Variants in RTKN2 observed in about 807,000 individuals in gnomAD.
RTKN2 encodes rhotekin 2.
RTKN2 carries 69 observed loss-of-function variants against 71.5 expected under a neutral mutation model. The observed-to-expected ratio is 0.96, with a 90% CI of 0.79 to 1.18. The LOEUF (loss-of-function observed/expected upper bound fraction) is 1.18, where lower values mean the gene tolerates loss of function less well. Ranked by LOEUF, RTKN2 falls within the 50% of genes most tolerant of loss-of-function variation. The pLI is 0.00. For synonymous variants in RTKN2, 236 were observed against 236.5 expected (o/e 1.00, Z 0.02); for missense variants, 724 against 719.7 (o/e 1.01, Z -0.07).
intron 6 of RTKN2, among the ~76,000 whole-genome samples, chr10:62,234,170 A>G (rs1334907972): frequency 6.6e-6 from 1 of 152,170 alleles, no homozygotes; most frequent in African/African-American, 2.4e-5. Flanking sequence ...ACGGTTTCCC[A>G]CTGATCAAAG....
chr10:62,264,587 G>T (rs1037261880), intron 1 of RTKN2, among the ~76,000 whole-genome samples: 1 of 152,094 alleles, frequency 6.6e-6, no homozygotes, highest in Admixed American at 6.5e-5. Flanking sequence ...GTGCACATAG[G>T]GAGCAACCTA....
intron 10 of RTKN2, among the ~76,000 whole-genome samples, chr10:62,202,230 G>A (rs907013223): frequency 8.6e-5 from 13 of 151,972 alleles, no homozygotes; most frequent in Admixed American, 7.9e-4. Flanking sequence ...ACATCCACCC[G>A]AGGCTATTCT....
intron 5 of RTKN2, 150 bp from the exon 6 acceptor site, chr10:62,236,413 A>G: frequency 1.6e-6 from 1 of 612,998 alleles, no homozygotes; most frequent in Non-Finnish European, 2.9e-6. Flanking sequence ...CTTCACACCC[A>G]TAAGGATGGC....
intron 1 of RTKN2, among the ~76,000 whole-genome samples, chr10:62,266,240 TA>T (rs1842866589): frequency 6.6e-6 from 1 of 152,184 alleles, no homozygotes; most frequent in South Asian, 2.1e-4. Context: ...AGAAACCTAC[TA>T]GGTTTTAAGA....
chr10:62,251,584 T>C (rs949405399), intron 2 of RTKN2, among the ~76,000 whole-genome samples: 39 of 152,096 alleles, frequency 2.6e-4, no homozygotes, highest in Admixed American at 1.7e-3. Flanking sequence ...TAAATAAAAG[T>C]AGATAATCAA....
intron 6 of RTKN2, among the ~76,000 whole-genome samples, chr10:62,233,560 A>T (rs1012353691): frequency 8.5e-5 from 13 of 152,124 alleles, no homozygotes; most frequent in African/African-American, 3.1e-4. Flanking sequence ...CAATTTAATG[A>T]TTTACAAACA....
intron 5 of RTKN2, among the ~76,000 whole-genome samples, chr10:62,237,344 G>A (rs140336437): frequency 3.2e-4 from 49 of 151,974 alleles, no homozygotes; most frequent in African/African-American, 1.2e-3. Flanking sequence ...TAAGAATTTG[G>A]AATAAGTTTA....
intron 8 of RTKN2, among the ~76,000 whole-genome samples, chr10:62,187,936 C>T (rs1229103308): frequency 6.6e-6 from 1 of 152,224 alleles, no homozygotes; most frequent in East Asian, 1.9e-4. Flanking sequence ...TTTAGACTGA[C>T]ATTCAAGGCC....
chr10:62,239,994 C>T lies in RTKN2; in HGVS notation c.371-229G>A, dbSNP rs189274517. On this transcript the variant is annotated intron_variant, in intron 4 of 11. Transcript: ENST00000373789. ...AAAAAATAAAGTTAAATATACAGGC[C>T]TCTCAGCAGCCTAAAGAAACCACCA... 1.8e-4 allele frequency among the ~76,000 whole-genome samples: 27 copies of T among 152,086 alleles called. No homozygotes were observed. In the East Asian group the frequency reaches 5.0e-3, roughly 28 times the overall value.
At chr10:62,219,023 A>C (rs1408851046) in intron 7 of RTKN2, among the ~76,000 whole-genome samples, 1 of 152,244 alleles carries the variant, frequency 6.6e-6, no homozygotes, top group Non-Finnish European at 1.5e-5. Context: ...ACATTATTTC[A>C]GAGAACTTAA....
intron 2 of RTKN2, among the ~76,000 whole-genome samples, chr10:62,251,666 C>A (rs1372852564): frequency 6.6e-6 from 1 of 152,094 alleles, no homozygotes; most frequent in Non-Finnish European, 1.5e-5. Context: ...AACCATAACA[C>A]AATACTCCAA....
downstream of RTKN2, among the ~76,000 whole-genome samples, chr10:62,190,914 T>C (rs1841211783): frequency 6.6e-6 from 1 of 152,166 alleles, no homozygotes; most frequent in Non-Finnish European, 1.5e-5. Context: ...TACTTCACAA[T>C]ACGCTCATTC....
At chr10:62,238,446 T>C (rs1373011542) in intron 5 of RTKN2, 1 of 151,810 alleles carries the variant, frequency 6.6e-6, no homozygotes, top group East Asian at 1.9e-4. Flanking sequence ...GATTTTTGTC[T>C]CCATGATCAA....
downstream of RTKN2, among the ~76,000 whole-genome samples, chr10:62,188,655 T>C (rs1841172226): frequency 6.6e-6 from 1 of 152,130 alleles, no homozygotes; most frequent in African/African-American, 2.4e-5. Context: ...GTTCAACTGT[T>C]ACTTCCTCCA....
At chr10:62,240,996 T>C in intron 4 of RTKN2, 146 bp downstream of exon 4, 1 of 559,306 alleles carries the variant, frequency 1.8e-6, no homozygotes, top group Non-Finnish European at 3.2e-6. Flanking sequence ...ATATTTATAT[T>C]AAAAATCAGA....
chr10:62,207,101 A>G (rs1841563820), intron 9 of RTKN2, among the ~76,000 whole-genome samples: 1 of 152,064 alleles, frequency 6.6e-6, no homozygotes. Flanking sequence ...ATTTCTGACT[A>G]CTTTTTGTAT....
At chr10:62,226,488 T>C (rs533556349) in intron 6 of RTKN2, among the ~76,000 whole-genome samples, 167 of 152,348 alleles carry the variant, frequency 1.1e-3, no homozygotes, top group African/African-American at 3.9e-3. Flanking sequence ...AATGTTTATA[T>C]AGGAAAATTT....
chr10:62,249,366 G>A lies in RTKN2; in HGVS notation c.258-3309C>T, dbSNP rs541170168. ...GGTCAAGAAGAATGAACTGGGTTGA[G>A]CAGGGGTTGCGGGGTTGGGGGGTGG... On this transcript the variant is annotated intron_variant, in intron 2 of 11. Coordinates refer to ENST00000373789, the MANE Select transcript of RTKN2 (RefSeq NM_145307.4). Among the ~76,000 whole-genome samples, 273 of 150,478 alleles carry A rather than the reference G, an allele frequency of 1.8e-3. 1 individual carries two copies. Among genetic ancestry groups the A allele is most frequent in the South Asian group, 4.2e-3 (20 of 4,718 alleles).
intron 6 of RTKN2, among the ~76,000 whole-genome samples, chr10:62,231,575 C>T (rs1465719233): frequency 1.3e-5 from 2 of 152,290 alleles, no homozygotes; most frequent in East Asian, 3.9e-4. Context: ...ACATCACACT[C>T]ATTCCTTTTA....
Sources: allele counts gnomAD v4.1 joint callset (sites outside exome capture counted in the v4.1 genomes callset), GRCh38; gene constraint gnomAD v4.1.1; transcripts MANE v1.5; gene names NCBI Gene and HGNC (gene_info 2026-07-23, HGNC 2026-07-21).